The following HAPLN2 variants were observed in gnomAD, a reference collection of about 807,000 sequenced individuals.
The protein encoded by HAPLN2 is hyaluronan and proteoglycan link protein 2.
A neutral mutation model predicts 29.3 loss-of-function variants in HAPLN2; 27 were observed. That is an observed-to-expected ratio of 0.92 (90% CI 0.68 to 1.27). HAPLN2 has a LOEUF of 1.27. Ranked by LOEUF, HAPLN2 falls within the 50% of genes most tolerant of loss-of-function variation. The pLI is 0.00. For synonymous variants in HAPLN2, 208 were observed against 211.7 expected, an observed-to-expected ratio of 0.98 and a Z score of 0.15; for missense variants, 454 against 484.3, an observed-to-expected ratio of 0.94 and a Z score of 0.59.
chr1:156,609,097 A>AT, the HAPLN2 span, among the ~76,000 whole-genome samples: 1 of 152,140 alleles, frequency 6.6e-6, no homozygotes, highest in Non-Finnish European at 1.5e-5. Context: ...TGAAGCGCTG[A>AT]GTCTGAAGGA....
Position 156,625,620 on chromosome 1 carries a change from T to G in HAPLN2, c.*236T>G. 1 of 460,176 alleles carries G rather than the reference T, an allele frequency of 2.2e-6. No individual in the cohort carries two copies. Among genetic ancestry groups the G allele is most frequent in the Non-Finnish European group, 3.8e-6 (1 of 264,514 alleles). 28.5% of individuals were successfully genotyped at this position (460,176 alleles called of 1,614,324 possible). A position where few individuals can be genotyped will look rare whatever the true frequency, so the allele number is the denominator to read the frequency against. On this transcript the variant is annotated 3_prime_UTR_variant, in exon 7 of 7. Transcript: ENST00000255039. This position sits in a 1 kb window ranked among gnomAD's most constrained non-coding sequence, Gnocchi z 5.7. ...GAGGTGACCCTCGGACCCGCTGCCG[T>G]TCGCGAACCCTAGCAGAGGACTCAG... is the stretch of plus-strand genomic sequence containing the variant.
chr1:156,609,325 T>C, the HAPLN2 span, among the ~76,000 whole-genome samples: 2 of 152,322 alleles, frequency 1.3e-5, no homozygotes, highest in East Asian at 3.9e-4. Flanking sequence ...GCTAAATATA[T>C]TCATACACAT....
the HAPLN2 span, among the ~76,000 whole-genome samples, chr1:156,605,429 T>TA: frequency 0.052 from 7,270 of 140,604 alleles, 191 homozygotes; most frequent in African/African-American, 0.073. Flanking sequence ...CTGTCTCTAA[T>TA]AAAAAAAAAA....
chr1:156,605,456 C>T, the HAPLN2 span, among the ~76,000 whole-genome samples: 4 of 151,294 alleles, frequency 2.6e-5, no homozygotes, highest in Non-Finnish European at 5.9e-5. Flanking sequence ...AAAAATTAGC[C>T]GGGTGCAGTG....
chr1:156,610,175 C>T, the HAPLN2 span, among the ~76,000 whole-genome samples: 1 of 152,084 alleles, frequency 6.6e-6, no homozygotes, highest in Admixed American at 6.6e-5. Context: ...GGTCGCACCA[C>T]TGCACTTCAG....
chr1:156,606,481 G>A, the HAPLN2 span, among the ~76,000 whole-genome samples: 1 of 141,892 alleles, frequency 7.0e-6, no homozygotes, highest in South Asian at 2.3e-4. Flanking sequence ...TTAGCATGAA[G>A]CCCTCCACTT....
the HAPLN2 span, among the ~76,000 whole-genome samples, chr1:156,607,582 A>G: frequency 1.3e-5 from 2 of 152,168 alleles, no homozygotes; most frequent in Admixed American, 1.3e-4. Flanking sequence ...GACCTTCAGG[A>G]GGAAGTATGT....
the HAPLN2 span, among the ~76,000 whole-genome samples, chr1:156,609,521 T>C: frequency 6.6e-6 from 1 of 152,194 alleles, no homozygotes; most frequent in African/African-American, 2.4e-5. Flanking sequence ...AGTCTTCCAA[T>C]TAAAAAATTA....
chr1:156,614,563 G>A (rs1678017309), upstream of HAPLN2, among the ~76,000 whole-genome samples: 3 of 152,152 alleles, frequency 2.0e-5, no homozygotes, highest in Non-Finnish European at 2.9e-5. Context: ...GTCTGAGAAT[G>A]GTTGATTAAT....
Position 156,624,072 on chromosome 1 carries a change from C to T in HAPLN2, c.351C>T (p.Gly117=), listed in dbSNP as rs1304324805. ...TAGACGCCTCCCTGGTCATCGCGGG[C>T]GTGCGCCTGGAGGACGAGGGCCGGT... is the stretch of plus-strand genomic sequence containing the variant. The part of the protein sequence containing the change: ...HRLDASLVIA[G]VRLEDEGRYR... Residue 117 remains glycine (G), a synonymous_variant, in exon 4 of 7, where the codon GGC becomes GGT. Transcript: ENST00000255039. 1.2e-6 allele frequency: 2 copies of T among 1,613,610 alleles called. No homozygotes were observed. The highest frequency in any genetic ancestry group is 1.7e-6 in the Non-Finnish European group (2 of 1,179,904).
intron 2 of HAPLN2, among the ~76,000 whole-genome samples, chr1:156,621,733 GAAA>G (rs58393811): frequency 4.0e-5 from 5 of 123,548 alleles, no homozygotes; most frequent in East Asian, 2.4e-4. Context: ...TCAGAAAAAA[GAAA>G]AAAAAAAAAA....
chr1:156,605,962 C>T, the HAPLN2 span, among the ~76,000 whole-genome samples: 1 of 152,094 alleles, frequency 6.6e-6, no homozygotes, highest in African/African-American at 2.4e-5. Context: ...CTAGCCTGGG[C>T]AACATAGTGA....
chr1:156,601,526 G>T, the HAPLN2 span: 1 of 1,480,472 alleles, frequency 6.8e-7, no homozygotes, highest in South Asian at 1.2e-5. Flanking sequence ...GACGTCCGCG[G>T]GAACCAAAAT....
chr1:156,602,998 A>G, the HAPLN2 span, among the ~76,000 whole-genome samples: 3 of 152,114 alleles, frequency 2.0e-5, no homozygotes, highest in Admixed American at 2.0e-4. Flanking sequence ...ATTCATCCCC[A>G]TAATTTTTTC....
chr1:156,620,538 C>A (rs1211872199), intron 2 of HAPLN2, among the ~76,000 whole-genome samples: 7 of 152,192 alleles, frequency 4.6e-5, no homozygotes, highest in Admixed American at 4.6e-4. Context: ...ATCATTCTTA[C>A]TTATCAAGTT....
At chr1:156,615,604 T>C (rs1011126469), upstream of HAPLN2, among the ~76,000 whole-genome samples, 3 of 150,074 alleles carry the variant, frequency 2.0e-5, no homozygotes, top group Non-Finnish European at 4.4e-5. Context: ...AGAATCTTGG[T>C]CTATCGCCCA....
chr1:156,615,156 G>A (rs965631985), upstream of HAPLN2: 1 of 152,186 alleles, frequency 6.6e-6, no homozygotes, highest in African/African-American at 2.4e-5. Flanking sequence ...GCCTGGGCCT[G>A]TGTCACCTAA....
intron 2 of HAPLN2, among the ~76,000 whole-genome samples, chr1:156,621,261 C>T (rs930967888): frequency 6.6e-6 from 1 of 151,864 alleles, no homozygotes; most frequent in East Asian, 1.9e-4. Flanking sequence ...CATGCCACCA[C>T]GCCCAGCTGA....
chr1:156,624,277 C>G (rs1678363485), intron 4 of HAPLN2, 74 bp from the exon 5 acceptor site: 2 of 1,511,162 alleles, frequency 1.3e-6, no homozygotes, highest in African/African-American at 1.4e-5. Context: ...AGCTCCCTCT[C>G]CCAGGCCGCG....
Sources: allele counts gnomAD v4.1 joint callset (sites outside exome capture counted in the v4.1 genomes callset), GRCh38; gene constraint gnomAD v4.1.1; non-coding constraint Gnocchi (gnomAD v3.1); transcripts MANE v1.5; gene names NCBI Gene and HGNC (gene_info 2026-07-23, HGNC 2026-07-21).